The following EYS variants were observed in gnomAD, a reference collection of about 807,000 sequenced individuals.
The protein encoded by EYS is EGF-like photoreceptor maintenance factor, also known as protein eyes shut homolog.
In EYS, 250 loss-of-function variants were observed where a neutral mutation model predicts 282.1. That is an observed-to-expected ratio of 0.89 (90% CI 0.80 to 0.98). EYS has a LOEUF of 0.98. EYS is among the 50% of genes least tolerant of loss of function. The probability of loss-of-function intolerance (pLI) is 0.00; values close to 1 mark genes in which losing one functional copy is unlikely to be tolerated. For synonymous variants in EYS, 1,355 were observed against 1,282.9 expected (o/e 1.06, Z -1.20); for missense variants, 4,016 against 3,709.0 (o/e 1.08, Z -2.15).
At chr6:63,976,082 A>G (rs7760226) in intron 35 of EYS, among the ~76,000 whole-genome samples, 57,071 of 151,840 alleles carry the variant, frequency 0.38, 10,967 homozygotes, top group African/African-American at 0.45. Context: ...TAAAAGATGT[A>G]TAAAAATACA....
intron 31 of EYS, among the ~76,000 whole-genome samples, chr6:64,224,463 C>A (rs1010962037): frequency 5.3e-5 from 8 of 151,996 alleles, no homozygotes; most frequent in African/African-American, 1.9e-4. Context: ...TGAATCACAC[C>A]TGAATTTCCA....
chr6:65,616,710 C>T (rs1766210515), intron 2 of EYS, among the ~76,000 whole-genome samples: 1 of 151,692 alleles, frequency 6.6e-6, no homozygotes, highest in Middle Eastern at 3.4e-3. Flanking sequence ...AGCTTGAACC[C>T]GGGAGGTCAA....
rs756545975 is a variant in EYS at position 64,590,508 on chromosome 6, C to T, written c.5359G>A (p.Val1787Ile). 1.9e-6 allele frequency: 3 copies of T among 1,551,412 alleles called. No homozygotes were observed. The highest frequency in any genetic ancestry group is 1.2e-5 in the South Asian group (1 of 84,056). The change falls in exon 26 of 43, where the codon GTC becomes ATC. Residue 1787 changes from valine (V) to isoleucine (I), a missense_variant. Val to Ile is a conservative substitution (Grantham distance 29). Transcript: ENST00000503581. ...LTGSVPDFSE[V>I]TTNVAFYTVS... ...GTATAAAATGCAACATTGGTGGTGA[C>T]TTCTGAAAAATCAGGCACTGAGCCT...
intron 29 of EYS, among the ~76,000 whole-genome samples, chr6:64,357,306 T>A (rs1181139892): frequency 1.5e-5 from 2 of 131,546 alleles, no homozygotes; most frequent in Non-Finnish European, 3.3e-5. Flanking sequence ...TAACAACAAC[T>A]GTGTCTGTGT....
At chr6:64,836,884 A>G (rs1227078237) in intron 19 of EYS, among the ~76,000 whole-genome samples, 1 of 151,692 alleles carries the variant, frequency 6.6e-6, no homozygotes, top group Non-Finnish European at 1.5e-5. Context: ...TGGTTTGAAA[A>G]AAGTGAGACA....
At chr6:64,423,017 G>A (rs1274443578) in intron 28 of EYS, among the ~76,000 whole-genome samples, 1 of 151,994 alleles carries the variant, frequency 6.6e-6, no homozygotes, top group Non-Finnish European at 1.5e-5. Context: ...TTTTGAAAAT[G>A]TTGAATGCCT....
chr6:65,509,770 G>A (rs915512179), intron 2 of EYS, among the ~76,000 whole-genome samples: 3 of 152,018 alleles, frequency 2.0e-5, no homozygotes, highest in African/African-American at 7.2e-5. Flanking sequence ...CTGTCAATAT[G>A]GTGAAATACA....
chr6:64,595,839 T>C (rs1161136018), intron 24 of EYS, among the ~76,000 whole-genome samples: 6 of 152,176 alleles, frequency 3.9e-5, no homozygotes, highest in Non-Finnish European at 8.8e-5. Flanking sequence ...GAATTAATAT[T>C]ATTTCAATGA....
intron 2 of EYS, among the ~76,000 whole-genome samples, chr6:65,597,732 G>A (rs985232793): frequency 6.6e-6 from 1 of 151,578 alleles, no homozygotes; most frequent in South Asian, 2.1e-4. Flanking sequence ...CATTATCCAA[G>A]ACCTTATTTA....
chr6:64,576,087 T>C (rs1256256061), intron 26 of EYS, among the ~76,000 whole-genome samples: 2 of 152,106 alleles, frequency 1.3e-5, no homozygotes, highest in Admixed American at 6.6e-5. Flanking sequence ...GCACTGAAAT[T>C]GAACAACTGA....
At chr6:64,367,995 G>A (rs1452481214) in intron 29 of EYS, among the ~76,000 whole-genome samples, 2 of 152,074 alleles carry the variant, frequency 1.3e-5, no homozygotes, top group African/African-American at 4.8e-5. Context: ...TGTTATATAG[G>A]TAAATTGTGT....
intron 29 of EYS, among the ~76,000 whole-genome samples, chr6:64,383,010 G>A (rs1026588638): frequency 1.3e-5 from 2 of 152,152 alleles, no homozygotes; most frequent in Non-Finnish European, 2.9e-5. Flanking sequence ...AGGCCTGCCT[G>A]GGCACGGTGG....
intron 14 of EYS, among the ~76,000 whole-genome samples, chr6:64,978,123 C>G (rs1435517383): frequency 2.6e-5 from 4 of 151,856 alleles, no homozygotes; most frequent in Admixed American, 6.6e-5. Flanking sequence ...GAAGAAGATG[C>G]TATGTAGGAC....
At chr6:64,800,527 T>C (rs897711145) in intron 22 of EYS, among the ~76,000 whole-genome samples, 4 of 151,106 alleles carry the variant, frequency 2.6e-5, no homozygotes, top group Admixed American at 2.6e-4. Context: ...AAGGAAAGTA[T>C]AACCAGAGAG....
In EYS at chr6:65,377,083, A is replaced by G. The variant is rs536516803; in HGVS notation, c.1299+7303T>C. On this transcript the variant is annotated intron_variant, in intron 8 of 42. Transcript: ENST00000503581. ...CAACAGAATATACATTTTTATCAGC[A>G]TCACATAGCACTTACTCTAAAATCA... Among the ~76,000 whole-genome samples the G allele has an allele frequency of 2.0e-5, 3 of 152,296 alleles. No homozygotes were observed. The South Asian group carries it at 6.2e-4, about 32-fold the overall frequency.
chr6:64,472,898 C>T (rs1229032950), intron 26 of EYS, among the ~76,000 whole-genome samples: 1 of 152,062 alleles, frequency 6.6e-6, no homozygotes, highest in Admixed American at 6.6e-5. Flanking sequence ...CAACTAAAAA[C>T]ACTTTGTTAT....
intron 35 of EYS, among the ~76,000 whole-genome samples, chr6:63,941,526 G>A (rs1349773633): frequency 1.3e-5 from 2 of 152,008 alleles, no homozygotes; most frequent in African/African-American, 4.8e-5. Context: ...CTTTTTGATG[G>A]GGTTGTTTGA....
At chr6:64,763,196 G>T (rs1773217604) in intron 22 of EYS, among the ~76,000 whole-genome samples, 1 of 152,118 alleles carries the variant, frequency 6.6e-6, no homozygotes, top group African/African-American at 2.4e-5. Context: ...CTATTTTTAT[G>T]GGTGTATCAG....
chr6:64,814,309 T>G (rs541096840), intron 21 of EYS, among the ~76,000 whole-genome samples: 1 of 152,200 alleles, frequency 6.6e-6, no homozygotes, highest in Non-Finnish European at 1.5e-5. Context: ...TGGTATTTTA[T>G]TTATTGTAAC....
Sources: allele counts gnomAD v4.1 joint callset (sites outside exome capture counted in the v4.1 genomes callset), GRCh38; gene constraint gnomAD v4.1.1; transcripts MANE v1.5; gene names NCBI Gene and HGNC (gene_info 2026-07-23, HGNC 2026-07-21).